Variants in RALGDS observed in about 807,000 individuals in gnomAD.
The protein encoded by RALGDS is ral guanine nucleotide exchange factor.
Under a neutral mutation model 99.8 loss-of-function variants are expected in RALGDS, and 44 were observed. That is an observed-to-expected ratio of 0.44 (90% confidence interval 0.35 to 0.57). The LOEUF is 0.57. Among genes scored for constraint, RALGDS ranks in the 20% least tolerant of loss-of-function variants. The pLI is 0.01. For missense variants in RALGDS, 1,022 were observed against 1,203.1 expected, an observed-to-expected ratio of 0.85 and a Z score of 2.23; for synonymous variants, 529 against 505.0, an observed-to-expected ratio of 1.05 and a Z score of -0.64.
intron 1 of RALGDS, among the ~76,000 whole-genome samples, chr9:133,112,486 G>T (rs1292913568): frequency 6.6e-6 from 1 of 152,198 alleles, no homozygotes; most frequent in Non-Finnish European, 1.5e-5. Context: ...CCATTGCACA[G>T]ATGGGTAAAT....
chr9:133,108,890 G>C (rs1047071548), intron 4 of RALGDS, 24 bp from the exon 5 acceptor site: 3 of 1,596,046 alleles, frequency 1.9e-6, no homozygotes, highest in Admixed American at 3.4e-5. Flanking sequence ...GGTGGCAGCA[G>C]AGTCAGAGGC....
upstream of RALGDS, among the ~76,000 whole-genome samples, chr9:133,133,160 C>A (rs1391884156): frequency 6.6e-6 from 1 of 152,246 alleles, no homozygotes; most frequent in African/African-American, 2.4e-5. Flanking sequence ...CCCATATCTC[C>A]CCTGCCCCCA....
At chr9:133,120,844 G>A in intron 1 of RALGDS, 128 bp downstream of exon 1, 1 of 1,076,510 alleles carries the variant, frequency 9.3e-7, no homozygotes, top group Non-Finnish European at 1.2e-6. Flanking sequence ...CACCTATGGA[G>A]GAGAGAGGAG....
At chr9:133,103,011 G>T in intron 12 of RALGDS, 111 bp from the exon 13 acceptor site, 2 of 1,509,484 alleles carry the variant, frequency 1.3e-6, no homozygotes, top group Admixed American at 1.9e-5. Flanking sequence ...TCCCATCCAG[G>T]CCTTCCTGTT....
At position 133,112,342 on chromosome 9, in the gene RALGDS, C is replaced by G. The variant is rs376359101; in HGVS notation, c.184-190G>C. 2.0e-4 allele frequency among the ~76,000 whole-genome samples: 30 copies of G among 152,204 alleles called. No individual in the cohort carries two copies. In the East Asian group the frequency reaches 3.5e-3, roughly 18 times the overall value. On this transcript the variant is annotated intron_variant, in intron 1 of 17. Coordinates refer to ENST00000372050, the MANE Select transcript of RALGDS (RefSeq NM_006266.4). ...GTCCCGGCACTCCACTTCCCCAACC[C>G]GGCCAGCCACGACCTGGGACGTGAT...
chr9:133,113,793 C>A (rs1278996192), intron 1 of RALGDS, among the ~76,000 whole-genome samples: 1 of 152,230 alleles, frequency 6.6e-6, no homozygotes, highest in Non-Finnish European at 1.5e-5. Context: ...CTCTCTCTCT[C>A]CCAGGGATTT....
upstream of RALGDS, among the ~76,000 whole-genome samples, chr9:133,124,594 CAT>C (rs1231423182): frequency 6.6e-6 from 1 of 152,018 alleles, no homozygotes; most frequent in Non-Finnish European, 1.5e-5. Context: ...GATACACACA[CAT>C]AGAGACAGAA....
At chr9:133,115,519 C>T (rs1437972295) in intron 1 of RALGDS, among the ~76,000 whole-genome samples, 4 of 152,220 alleles carry the variant, frequency 2.6e-5, no homozygotes, top group African/African-American at 9.7e-5. Flanking sequence ...CCTGCCAGCA[C>T]CTCACAGTTC....
chr9:133,107,842 A>T (rs1831149068), intron 6 of RALGDS, 146 bp downstream of exon 6: 3 of 1,043,060 alleles, frequency 2.9e-6, no homozygotes, highest in Non-Finnish European at 4.3e-6. Flanking sequence ...ACTTGGGGTT[A>T]AGGAACGACC....
At chr9:133,100,512 CTGGG>C in intron 16 of RALGDS, 130 bp from the exon 17 acceptor site, 2 of 1,570,528 alleles carry the variant, frequency 1.3e-6, no homozygotes, top group Admixed American at 3.6e-5. Flanking sequence ...TGGCCAGGTG[CTGGG>C]TCCGGAGAGG....
At chr9:133,128,328 G>C (rs938684572) in intron 1 of RALGDS, among the ~76,000 whole-genome samples, 1 of 152,198 alleles carries the variant, frequency 6.6e-6, no homozygotes, top group Non-Finnish European at 1.5e-5. Context: ...GGGCTGCGGG[G>C]GGTGCTGGGC....
rs1564238056 is a variant in RALGDS, at chr9:133,110,501, CAG to C, written c.295-14_295-13del. ...GACTCATTCTCATACTGGGGTGGGA[CAG>C]AGGAGGGACAGACAGTCAGTGGCAG... On this transcript the variant is annotated splice_polypyrimidine_tract_variant and intron_variant, in intron 2 of 17. Coordinates refer to ENST00000372050, the MANE Select transcript of RALGDS (RefSeq NM_006266.4). 3.1e-6 allele frequency: 5 copies of C among 1,603,742 alleles called. No homozygotes were observed. In the South Asian group the frequency reaches 5.5e-5, roughly 18 times the overall value.
At chr9:133,132,077 C>A (rs561227774), upstream of RALGDS, among the ~76,000 whole-genome samples, 1 of 152,242 alleles carries the variant, frequency 6.6e-6, no homozygotes, top group Non-Finnish European at 1.5e-5. Flanking sequence ...CCATCCCTGG[C>A]AGCAAGGTCC....
chr9:133,123,909 GACAC>G (rs61109579), upstream of RALGDS, among the ~76,000 whole-genome samples: 12 of 29,252 alleles, frequency 4.1e-4, 2 homozygotes, highest in Admixed American at 2.1e-3. Context: ...CAGAGACACA[GACAC>G]ACACACACAC....
upstream of RALGDS, among the ~76,000 whole-genome samples, chr9:133,134,176 C>T (rs188020061): frequency 2.6e-3 from 401 of 152,298 alleles, 6 homozygotes; most frequent in South Asian, 0.04. Flanking sequence ...ATGCTGTGGT[C>T]GTGCAGGAGA....
rs1197564947 is a variant in RALGDS at position 133,104,206 on chromosome 9, C to T, written c.1671+57G>A. The stretch of plus-strand genomic sequence containing the variant: ...GCACCGTGGCTAGAGAGGAAAGGGC[C>T]CTCCTCCCTACCCCCAGGCCAGCCC... On this transcript the variant is annotated intron_variant, in intron 10 of 17. Coordinates refer to ENST00000372050, the MANE Select transcript of RALGDS (RefSeq NM_006266.4). 7 of 1,528,690 alleles carry T rather than the reference C, an allele frequency of 4.6e-6. No individual in the cohort carries two copies. The South Asian group carries it at 6.7e-5, about 15-fold the overall frequency. The allele number at this position is 1,528,690 out of a possible 1,614,324, so 94.7% of individuals were successfully genotyped here. A position where few individuals can be genotyped will look rare whatever the true frequency, so the allele number is the denominator to read the frequency against.
intron 14 of RALGDS, 44 bp from the exon 15 acceptor site, chr9:133,102,183 C>T (rs1247802787): frequency 6.5e-7 from 1 of 1,539,048 alleles, no homozygotes; most frequent in Non-Finnish European, 8.8e-7. Context: ...CCCAAGGACA[C>T]ATCCCAACCC....
At chr9:133,138,496 G>T (rs2119265478) in intron 1 of RALGDS, among the ~76,000 whole-genome samples, 1 of 152,332 alleles carries the variant, frequency 6.6e-6, no homozygotes, top group South Asian at 2.1e-4. Flanking sequence ...CCAGCATCAT[G>T]GTGGGCAGCT....
intron 1 of RALGDS, among the ~76,000 whole-genome samples, chr9:133,116,779 G>A (rs558505164): frequency 6.4e-4 from 97 of 152,372 alleles, no homozygotes; most frequent in African/African-American, 2.0e-3. Flanking sequence ...AGAGGAACTC[G>A]CCCAGGTCAG....
Sources: gnomAD v4.1 joint callset for allele counts (sites outside exome capture counted in the v4.1 genomes callset) on GRCh38, gnomAD v4.1.1 for gene constraint, MANE v1.5 for transcripts, NCBI Gene and HGNC (gene_info 2026-07-23, HGNC 2026-07-21) for gene names.